Variants in CFTR observed in about 807,000 individuals in gnomAD.
CFTR encodes CF transmembrane conductance regulator, also known as cystic fibrosis transmembrane conductance regulator.
A neutral mutation model predicts 171.6 loss-of-function variants in CFTR; 181 were observed. That is an observed-to-expected ratio of 1.05 (90% CI 0.93 to 1.19). CFTR has a LOEUF of 1.19. Ranked by LOEUF, CFTR falls within the 50% of genes most tolerant of loss-of-function variation. CFTR has a pLI of 0.00. For synonymous variants in CFTR, 583 were observed against 608.0 expected, an observed-to-expected ratio of 0.96 and a Z score of 0.60; for missense variants, 1,968 against 1,734.7, an observed-to-expected ratio of 1.13 and a Z score of -2.39.
At chr7:117,661,082 C>T (rs1562928109) in intron 24 of CFTR, among the ~76,000 whole-genome samples, 1 of 152,190 alleles carries the variant, frequency 6.6e-6, no homozygotes, top group Non-Finnish European at 1.5e-5. Context: ...AAAACAATTA[C>T]TAATCTATCT....
chr7:117,566,685 G>C (rs1334080470), intron 11 of CFTR, among the ~76,000 whole-genome samples: 1 of 151,612 alleles, frequency 6.6e-6, no homozygotes, highest in Non-Finnish European at 1.5e-5. Context: ...TTTCATTTGA[G>C]CCCTGGAACT....
chr7:117,643,446 C>A (rs924843586), intron 23 of CFTR, among the ~76,000 whole-genome samples: 7 of 151,972 alleles, frequency 4.6e-5, no homozygotes, highest in Non-Finnish European at 8.8e-5. Flanking sequence ...GACTATAAAT[C>A]TAGACTGAAA....
At chr7:117,498,954 C>T (rs1431609731) in intron 1 of CFTR, among the ~76,000 whole-genome samples, 1 of 151,770 alleles carries the variant, frequency 6.6e-6, no homozygotes, top group Non-Finnish European at 1.5e-5. Context: ...ATTAATTCCT[C>T]AAGTGTTAAT....
At chr7:117,554,810 T>C (rs1037061990) in intron 10 of CFTR, among the ~76,000 whole-genome samples, 3 of 152,200 alleles carry the variant, frequency 2.0e-5, no homozygotes, top group African/African-American at 4.8e-5. Flanking sequence ...GAAACTGTTA[T>C]AATTAACCGG....
chr7:117,556,183 C>T (rs564496420), intron 10 of CFTR, among the ~76,000 whole-genome samples: 16 of 151,192 alleles, frequency 1.1e-4, no homozygotes, highest in Non-Finnish European at 2.4e-4. Flanking sequence ...TCCTGCCTCA[C>T]CCTCCCAAGT....
Position 117,535,384 on chromosome 7 carries a change from G to T in CFTR, c.716G>T (p.Gly239Val), listed in dbSNP as rs1798935714. 6.2e-7 allele frequency: 1 copy of T among 1,613,922 alleles called. No individual in the cohort carries two copies. The change falls in exon 6 of 27, where the codon GGG becomes GTG. Residue 239 changes from glycine to valine, a missense_variant. Physicochemically the swap from Gly to Val is moderately radical, Grantham distance 109. Transcript: ENST00000003084. ...FLIVLALFQA[G>V]LGRMMMKYRD... ...ATAGTCCTTGCCCTTTTTCAGGCTG[G>T]GCTAGGGAGAATGATGATGAAGTAC... is the stretch of plus-strand genomic sequence containing the variant.
rs73484679 is a variant in CFTR at position 117,513,531 on chromosome 7, G to A, written c.273+4389G>A. Among the ~76,000 whole-genome samples, 309 of 152,106 alleles carry A rather than the reference G, an allele frequency of 2.0e-3. 2 individuals carry two copies. The highest frequency in any genetic ancestry group is 7.2e-3 in the African/African-American group (297 of 41,498). The stretch of plus-strand genomic sequence containing the variant: ...TCTCCCACAAAATACAGCTTTGCAG[G>A]TCCACTTCTATCTGCTGGGCCTGTG... On this transcript the variant is annotated intron_variant, in intron 3 of 26. Transcript: ENST00000003084.
At chr7:117,620,823 G>A (rs1792563784) in intron 21 of CFTR, among the ~76,000 whole-genome samples, 1 of 152,132 alleles carries the variant, frequency 6.6e-6, no homozygotes, top group Non-Finnish European at 1.5e-5. Flanking sequence ...AAAACACAGA[G>A]TAGCCAGGTG....
At position 117,668,143 on chromosome 7, in the gene CFTR, TGAGA is replaced by T. The variant is rs924175415; in HGVS notation, c.*1038_*1041del. On this transcript the variant is annotated 3_prime_UTR_variant, in exon 27 of 27. Coordinates refer to ENST00000003084, the MANE Select transcript of CFTR (RefSeq NM_000492.4). ...TCATGCTGTCTACACTAAGAGAGAA[TGAGA>T]GACACACTGAAGAAGCACCAATCAT... 1 of 152,162 alleles carries T rather than the reference TGAGA, an allele frequency of 6.6e-6. No individual in the cohort carries two copies. Among genetic ancestry groups the T allele is most frequent in the African/African-American group, 2.4e-5 (1 of 41,432 alleles). The allele number at this position is 152,162 out of a possible 1,614,324, so 9.4% of individuals were successfully genotyped here. A position where few individuals can be genotyped will look rare whatever the true frequency, so the allele number is the denominator to read the frequency against.
chr7:117,609,004 C>G (rs1052059308), intron 18 of CFTR, among the ~76,000 whole-genome samples: 1 of 152,128 alleles, frequency 6.6e-6, no homozygotes, highest in African/African-American at 2.4e-5. Flanking sequence ...TGTTGCACAG[C>G]AGATCTCTGG....
intron 3 of CFTR, among the ~76,000 whole-genome samples, chr7:117,526,281 G>A (rs560315222): frequency 1.4e-5 from 2 of 144,810 alleles, no homozygotes; most frequent in South Asian, 4.8e-4. Flanking sequence ...ATAACGAAAT[G>A]AAGACAGAAA....
intron 24 of CFTR, among the ~76,000 whole-genome samples, chr7:117,659,297 G>C (rs1231141484): frequency 2.0e-5 from 3 of 152,070 alleles, no homozygotes; most frequent in African/African-American, 7.2e-5. Context: ...TTCTCACTCT[G>C]GCTGGAGATT....
At chr7:117,593,649 G>A (rs1306358815) in intron 14 of CFTR, among the ~76,000 whole-genome samples, 1 of 152,144 alleles carries the variant, frequency 6.6e-6, no homozygotes, top group African/African-American at 2.4e-5. Flanking sequence ...AGGCTGGAGT[G>A]CAATGGTGCA....
chr7:117,558,061 T>G (rs1343959117), intron 10 of CFTR, among the ~76,000 whole-genome samples: 1 of 152,166 alleles, frequency 6.6e-6, no homozygotes, highest in Non-Finnish European at 1.5e-5. Flanking sequence ...CACCTCCTTT[T>G]GATTTTTTTT....
At chr7:117,603,810 C>T in intron 17 of CFTR, 28 bp downstream of exon 17, 2 of 1,611,374 alleles carry the variant, frequency 1.2e-6, no homozygotes, top group Non-Finnish European at 1.7e-6. Flanking sequence ...AGAAATGAAA[C>T]TGCTGATCCA....
intron 7 of CFTR, among the ~76,000 whole-genome samples, chr7:117,538,285 T>C (rs1798991088): frequency 6.6e-6 from 1 of 152,172 alleles, no homozygotes; most frequent in African/African-American, 2.4e-5. Context: ...CAAAAGGCTG[T>C]GCAAAGCTCT....
chr7:117,482,901 T>G (rs1190865206), intron 1 of CFTR, among the ~76,000 whole-genome samples: 1 of 152,234 alleles, frequency 6.6e-6, no homozygotes, highest in Non-Finnish European at 1.5e-5. Context: ...AGGTCTATAC[T>G]GAGGAACTGT....
Position 117,540,155 on chromosome 7 carries a change from GC to G in CFTR, c.927del (p.Phe310SerfsTer18). The G allele has an allele frequency of 6.2e-7, 1 of 1,613,776 alleles. No individual in the cohort carries two copies. The highest frequency in any genetic ancestry group is 8.5e-7 in the Non-Finnish European group (1 of 1,179,726). On this transcript the variant is annotated frameshift_variant, in exon 8 of 27. Coordinates refer to ENST00000003084, the MANE Select transcript of CFTR (RefSeq NM_000492.4). LOFTEE classifies it high-confidence loss of function. ...AAYVRYFNSS[A>X]FFFSGFFVVF... ...CTATGTGAGATACTTCAATAGCTCA[GC>G]CTTCTTCTTCTCAGGGTTCTTTGTG...
At chr7:117,507,578 G>C (rs1798440635) in intron 2 of CFTR, among the ~76,000 whole-genome samples, 3 of 152,132 alleles carry the variant, frequency 2.0e-5, no homozygotes, top group African/African-American at 7.2e-5. Flanking sequence ...TTCTTACTCT[G>C]AGTAACCAAA....
Sources: allele counts gnomAD v4.1 joint callset (sites outside exome capture counted in the v4.1 genomes callset), GRCh38; gene constraint gnomAD v4.1.1; transcripts MANE v1.5; gene names NCBI Gene and HGNC (gene_info 2026-07-23, HGNC 2026-07-21).